The following ZPBP variants were observed in gnomAD, a reference collection of about 807,000 sequenced individuals.
The protein encoded by ZPBP is zona pellucida-binding protein 1.
ZPBP carries 26 observed loss-of-function variants against 44.8 expected under a neutral mutation model. The ratio of observed to expected loss-of-function variants is 0.58; its 90% CI spans 0.43 to 0.81. ZPBP has a LOEUF of 0.81. Among genes scored for constraint, ZPBP ranks in the 30% least tolerant of loss-of-function variants. ZPBP has a pLI of 0.00. For synonymous variants in ZPBP, 174 were observed against 153.2 expected (o/e 1.14, Z -1.00); for missense variants, 409 against 434.0 (o/e 0.94, Z 0.51).
chr7:50,035,250 A>G (rs1213761186), intron 4 of ZPBP, among the ~76,000 whole-genome samples: 1 of 152,226 alleles, frequency 6.6e-6, no homozygotes, highest in African/African-American at 2.4e-5. Flanking sequence ...CCTCTCCAGC[A>G]TGATAGGTAC....
intron 4 of ZPBP, 109 bp from the exon 5 acceptor site, chr7:50,031,419 T>C: frequency 2.4e-6 from 2 of 818,936 alleles, no homozygotes; most frequent in Non-Finnish European, 3.8e-6. Context: ...TTGGTACATG[T>C]TTTTAGATAT....
At chr7:49,962,569 G>A (rs903797812) in intron 7 of ZPBP, among the ~76,000 whole-genome samples, 12 of 151,786 alleles carry the variant, frequency 7.9e-5, no homozygotes, top group Non-Finnish European at 1.3e-4. Context: ...CTGATAGTGG[G>A]AACAAGATTA....
intron 1 of ZPBP, among the ~76,000 whole-genome samples, chr7:49,930,141 G>A (rs1049897876): frequency 2.0e-5 from 3 of 152,156 alleles, no homozygotes; most frequent in East Asian, 3.8e-4. Context: ...GCAACCATGA[G>A]GACAAAAGCT....
intron 1 of ZPBP, among the ~76,000 whole-genome samples, chr7:49,925,391 T>C (rs1404170616): frequency 6.6e-6 from 1 of 152,234 alleles, no homozygotes; most frequent in Admixed American, 6.5e-5. Context: ...TGTTGGCCTC[T>C]GTTCCAGATA....
chr7:50,032,140 T>A (rs531390295), intron 4 of ZPBP, among the ~76,000 whole-genome samples: 7 of 152,262 alleles, frequency 4.6e-5, no homozygotes, highest in Admixed American at 3.9e-4. Flanking sequence ...GTATTTGGAG[T>A]AGAGACCAGA....
At chr7:50,065,360 A>G (rs1487677572) in intron 3 of ZPBP, among the ~76,000 whole-genome samples, 1 of 150,846 alleles carries the variant, frequency 6.6e-6, no homozygotes, top group Non-Finnish European at 1.5e-5. Flanking sequence ...AGAGTGGCTT[A>G]GAGTAGAGAA....
In ZPBP at chr7:49,875,480, A is replaced by G. The variant is rs191638091; in HGVS notation, n.510-24966T>C. Among the ~76,000 whole-genome samples, 18 of 149,088 alleles carry G rather than the reference A, an allele frequency of 1.2e-4. 1 individual carries two copies. Among genetic ancestry groups the G allele is most frequent in the South Asian group, 4.4e-4 (2 of 4,560 alleles). The stretch of plus-strand genomic sequence containing the variant: ...GAAGGTCAGTTCACTCACAATGTGG[A>G]GTCTCTGTGCTGAGCTGGGGAAGCT... On this transcript the variant is annotated intron_variant and non_coding_transcript_variant, in intron 2 of 2. Transcript: ENST00000465922.
intron 2 of ZPBP, among the ~76,000 whole-genome samples, chr7:49,861,378 T>C (rs1790648564): frequency 6.6e-6 from 1 of 152,208 alleles, no homozygotes; most frequent in Admixed American, 6.5e-5. Context: ...CTTTTTTATA[T>C]TTTGAATATT....
intron 3 of ZPBP, among the ~76,000 whole-genome samples, chr7:50,068,363 T>C (rs1349280141): frequency 6.6e-6 from 1 of 152,060 alleles, no homozygotes; most frequent in Admixed American, 6.5e-5. Flanking sequence ...TGACACTTTA[T>C]AGCCTGTCTT....
At position 50,018,329 on chromosome 7, in the gene ZPBP, A is replaced by G. The variant is rs1018705967; in HGVS notation, c.707-13T>C. ...TCTAGAGATGAAACTGAGAAAATAT[A>G]TTATATTTTATCATGGGTATAATGT... is the stretch of plus-strand genomic sequence containing the variant. On this transcript the variant is annotated splice_polypyrimidine_tract_variant and intron_variant, in intron 5 of 7. Coordinates refer to ENST00000046087, the MANE Select transcript of ZPBP (RefSeq NM_007009.3). 3 of 1,563,622 alleles carry G rather than the reference A, an allele frequency of 1.9e-6. No homozygotes were observed. The highest frequency in any genetic ancestry group is 2.6e-6 in the Non-Finnish European group (3 of 1,138,298).
chr7:50,068,524 C>T (rs1911750), intron 3 of ZPBP, among the ~76,000 whole-genome samples: 117,629 of 151,810 alleles, frequency 0.77, 45,706 homozygotes, highest in East Asian at 0.88. Flanking sequence ...TAGCCTCAGC[C>T]GGCTTTCAAA....
At chr7:49,906,395 C>T (rs546800405) in intron 1 of ZPBP, among the ~76,000 whole-genome samples, 7 of 152,004 alleles carry the variant, frequency 4.6e-5, no homozygotes, top group South Asian at 2.1e-4. Flanking sequence ...AGTGCAGTGG[C>T]GGCGACCTCA....
chr7:49,879,082 C>T (rs1274938904), intron 2 of ZPBP, among the ~76,000 whole-genome samples: 2 of 152,076 alleles, frequency 1.3e-5, no homozygotes, highest in African/African-American at 4.8e-5. Flanking sequence ...CAGTTCATTC[C>T]CTCAATCCTC....
At chr7:49,886,446 A>G (rs1310938402) in intron 2 of ZPBP, among the ~76,000 whole-genome samples, 1 of 152,182 alleles carries the variant, frequency 6.6e-6, no homozygotes, top group African/African-American at 2.4e-5. Context: ...TTGATTTCAA[A>G]TGGATTTTTC....
intron 2 of ZPBP, among the ~76,000 whole-genome samples, chr7:50,084,360 A>G (rs1477916291): frequency 2.6e-5 from 4 of 151,962 alleles, no homozygotes; most frequent in Non-Finnish European, 5.9e-5. Flanking sequence ...CAAAAAAAAA[A>G]AAAATACAAA....
chr7:49,877,480 AAATATATATATATATATATATAT>A lies in ZPBP; in HGVS notation n.509+23615_509+23637del, dbSNP rs1416766327. ...TCTGTCTCAAAAAAAAAAAAAAAAA[AAATATATATATATATATATATAT>A]ATATATATATATATAGTTATTTGGT... On this transcript the variant is annotated intron_variant and non_coding_transcript_variant, in intron 2 of 2. Transcript: ENST00000465922. Among the ~76,000 whole-genome samples the A allele has an allele frequency of 2.1e-4, 5 of 23,524 alleles. 1 individual carries two copies. The highest frequency in any genetic ancestry group is 3.7e-4 in the Non-Finnish European group (5 of 13,582). 15.4% of individuals were successfully genotyped at this position (23,524 alleles called of 152,430 possible).
intron 7 of ZPBP, among the ~76,000 whole-genome samples, chr7:49,981,602 A>AATTATAT (rs1273082490): frequency 0.25 from 9,098 of 35,682 alleles, 2,196 homozygotes; most frequent in East Asian, 0.58. Context: ...TAATTATATA[A>AATTATAT]ATTATATAAT....
intron 1 of ZPBP, among the ~76,000 whole-genome samples, chr7:50,090,649 A>ACACACACACACG (rs1802941656): frequency 1.3e-5 from 2 of 151,182 alleles, no homozygotes; most frequent in African/African-American, 2.4e-5. Flanking sequence ...ACACACATGC[A>ACACACACACACG]CACACACACA....
intron 2 of ZPBP, among the ~76,000 whole-genome samples, chr7:49,894,118 A>G (rs1792262826): frequency 6.6e-6 from 1 of 151,662 alleles, no homozygotes; most frequent in African/African-American, 2.4e-5. Flanking sequence ...AGGGGAGGAG[A>G]TATGACATAG....
Sources: allele counts gnomAD v4.1 joint callset (sites outside exome capture counted in the v4.1 genomes callset), GRCh38; gene constraint gnomAD v4.1.1; transcripts MANE v1.5; gene names NCBI Gene and HGNC (gene_info 2026-07-23, HGNC 2026-07-21).